Variants in WDFY3 observed in about 807,000 individuals in gnomAD.
WDFY3 encodes WD repeat and FYVE domain-containing protein 3.
In WDFY3, 66 loss-of-function variants were observed where a neutral mutation model predicts 409.6. The ratio of observed to expected loss-of-function variants is 0.16; its 90% CI spans 0.13 to 0.20. The LOEUF is 0.20. Among genes scored for constraint, WDFY3 ranks in the 10% least tolerant of loss-of-function variants. The pLI, the probability that WDFY3 is intolerant of heterozygous loss-of-function variation, is 1.00. For synonymous variants in WDFY3, 1,521 were observed against 1,537.1 expected (o/e 0.99, Z 0.25); for missense variants, 3,031 against 4,298.1 (o/e 0.71, Z 8.24).
chr4:84,767,907 G>C (rs1743963049), intron 30 of WDFY3, among the ~76,000 whole-genome samples: 1 of 151,974 alleles, frequency 6.6e-6, no homozygotes, highest in East Asian at 1.9e-4. Context: ...AACATAGTTG[G>C]ACCCTGTCTC....
intron 54 of WDFY3, among the ~76,000 whole-genome samples, chr4:84,704,966 CA>C (rs1303101600): frequency 2.0e-5 from 3 of 152,062 alleles, no homozygotes; most frequent in Non-Finnish European, 4.4e-5. Context: ...AAACATTAAA[CA>C]TAATAAATAA....
At chr4:84,812,275 AAATTT>A (rs1437289426) in intron 13 of WDFY3, among the ~76,000 whole-genome samples, 2 of 152,200 alleles carry the variant, frequency 1.3e-5, no homozygotes, top group Non-Finnish European at 2.9e-5. Flanking sequence ...CTATCTTGTC[AAATTT>A]AATAAACTAT....
At chr4:84,894,593 C>T (rs1265251571) in intron 3 of WDFY3, among the ~76,000 whole-genome samples, 2 of 152,016 alleles carry the variant, frequency 1.3e-5, no homozygotes, top group African/African-American at 4.8e-5. Context: ...TCGAGAGCAG[C>T]CTGGCCAACA....
intron 5 of WDFY3, among the ~76,000 whole-genome samples, chr4:84,845,008 A>G (rs1054461088): frequency 6.6e-6 from 1 of 152,232 alleles, no homozygotes; most frequent in Non-Finnish European, 1.5e-5. Context: ...GATATTCCCT[A>G]AAAGGTTTCC....
intron 1 of WDFY3, among the ~76,000 whole-genome samples, chr4:84,961,581 A>G (rs2151207715): frequency 6.6e-6 from 1 of 152,352 alleles, no homozygotes; most frequent in Admixed American, 6.5e-5. Flanking sequence ...ATGAGTGCAC[A>G]GTAAAAACTC....
chr4:84,808,023 T>C (rs539879046), intron 15 of WDFY3, among the ~76,000 whole-genome samples: 67 of 152,122 alleles, frequency 4.4e-4, no homozygotes, highest in Non-Finnish European at 9.0e-4. Context: ...AGTCCACATT[T>C]CTAACTTATT....
At chr4:84,678,072 A>T in intron 66 of WDFY3, 96 bp downstream of exon 66, 1 of 845,874 alleles carries the variant, frequency 1.2e-6, no homozygotes, top group Admixed American at 1.8e-5. Flanking sequence ...ATACAAATAA[A>T]ATCTGTTTTC....
chr4:84,925,885 T>C (rs1769911199), intron 2 of WDFY3, among the ~76,000 whole-genome samples: 1 of 152,052 alleles, frequency 6.6e-6, no homozygotes, highest in Non-Finnish European at 1.5e-5. Context: ...TGGTAATTAT[T>C]GAATCAAGGT....
intron 62 of WDFY3, among the ~76,000 whole-genome samples, chr4:84,687,048 A>G (rs1458981115): frequency 1.3e-5 from 2 of 152,224 alleles, no homozygotes; most frequent in Admixed American, 6.5e-5. Flanking sequence ...AAATAGCTAT[A>G]TAAGAATTTT....
intron 58 of WDFY3, among the ~76,000 whole-genome samples, chr4:84,693,660 GACT>G (rs2148871570): frequency 6.6e-6 from 1 of 152,262 alleles, no homozygotes; most frequent in Non-Finnish European, 1.5e-5. Flanking sequence ...CACTTTGGGA[GACT>G]GAGGCAGGCG....
chr4:84,716,438 CAA>C (rs549365469), intron 49 of WDFY3, among the ~76,000 whole-genome samples: 5 of 55,574 alleles, frequency 9.0e-5, no homozygotes, highest in Admixed American at 2.1e-4. Context: ...GACTCCATCT[CAA>C]AAAAAAAAAA....
chr4:84,966,252 G>C lies in WDFY3; in HGVS notation c.-269C>G, dbSNP rs1055961363. The C allele has an allele frequency of 5.3e-5, 8 of 150,736 alleles. No individual in the cohort carries two copies. Among genetic ancestry groups the C allele is most frequent in the South Asian group, 2.1e-4 (1 of 4,832 alleles). 9.3% of individuals were successfully genotyped at this position (150,736 alleles called of 1,614,324 possible). A position where few individuals can be genotyped will look rare whatever the true frequency, so the allele number is the denominator to read the frequency against. On this transcript the variant is annotated 5_prime_UTR_variant, in exon 1 of 68. Coordinates refer to ENST00000295888, the MANE Select transcript of WDFY3 (RefSeq NM_014991.6). ...CGCGGGCGGGACAGGCCCAGGAGAC[G>C]GGACCGCGGCGGGCCGGGGCTCCGC... is the stretch of plus-strand genomic sequence containing the variant.
intron 14 of WDFY3, chr4:84,809,217 C>T (rs1005705823): frequency 2.0e-5 from 3 of 152,120 alleles, no homozygotes; most frequent in Non-Finnish European, 4.4e-5. Context: ...CCCTGGATTC[C>T]CCCACTGTAG....
At chr4:84,845,904 TAA>T (rs879593790) in intron 5 of WDFY3, among the ~76,000 whole-genome samples, 1 of 140,740 alleles carries the variant, frequency 7.1e-6, no homozygotes, top group Non-Finnish European at 1.6e-5. Flanking sequence ...TCAAAGCATT[TAA>T]AAAAAAAAAA....
At chr4:84,869,823 T>G (rs1761917402) in intron 3 of WDFY3, among the ~76,000 whole-genome samples, 1 of 152,044 alleles carries the variant, frequency 6.6e-6, no homozygotes. Flanking sequence ...CTACTCCCAG[T>G]AAAAAACACT....
intron 3 of WDFY3, among the ~76,000 whole-genome samples, chr4:84,889,964 C>A (rs188927276): frequency 6.6e-6 from 1 of 152,130 alleles, no homozygotes. Flanking sequence ...GCTCAAGATC[C>A]ATCGTACCTT....
chr4:84,899,572 C>T (rs189159712), intron 2 of WDFY3, among the ~76,000 whole-genome samples: 46 of 152,254 alleles, frequency 3.0e-4, no homozygotes, highest in Non-Finnish European at 4.6e-4. Context: ...CTAGCCCACA[C>T]GTTTTTGTAA....
chr4:84,957,003 G>A (rs761219294), intron 1 of WDFY3, among the ~76,000 whole-genome samples: 40 of 150,688 alleles, frequency 2.7e-4, no homozygotes, highest in Non-Finnish European at 2.5e-4. Context: ...AAACCTTTAT[G>A]GAAGAAACCA....
chr4:84,743,106 T>C (rs1340444997), intron 37 of WDFY3, among the ~76,000 whole-genome samples: 1 of 152,226 alleles, frequency 6.6e-6, no homozygotes, highest in Non-Finnish European at 1.5e-5. Context: ...AGAGGTTATA[T>C]GATTAGCACT....
Sources: allele counts gnomAD v4.1 joint callset (sites outside exome capture counted in the v4.1 genomes callset), GRCh38; gene constraint gnomAD v4.1.1; transcripts MANE v1.5; gene names NCBI Gene and HGNC (gene_info 2026-07-23, HGNC 2026-07-21).